Variants in PAN3 observed in about 807,000 individuals in gnomAD.
PAN3 encodes PAN2-PAN3 deadenylation complex subunit PAN3.
PAN3 carries 19 observed loss-of-function variants against 96.2 expected under a neutral mutation model. The ratio of observed to expected loss-of-function variants is 0.20; its 90% CI spans 0.14 to 0.29. The LOEUF (loss-of-function observed/expected upper bound fraction) is 0.29. Among genes scored for constraint, PAN3 ranks in the 10% least tolerant of loss-of-function variants. PAN3 has a pLI of 1.00. For synonymous variants in PAN3, 433 were observed against 406.6 expected, an observed-to-expected ratio of 1.06 and a Z score of -0.78; for missense variants, 882 against 1,108.1, an observed-to-expected ratio of 0.80 and a Z score of 2.90.
At chr13:28,250,151 A>G (rs1884583206) in intron 6 of PAN3, among the ~76,000 whole-genome samples, 2 of 149,666 alleles carry the variant, frequency 1.3e-5, no homozygotes, top group African/African-American at 4.9e-5. Flanking sequence ...TGTCTTTCGC[A>G]TGCTGCATTT....
At chr13:28,150,841 T>C (rs1169315302) in intron 1 of PAN3, among the ~76,000 whole-genome samples, 3 of 152,158 alleles carry the variant, frequency 2.0e-5, no homozygotes, top group Non-Finnish European at 4.4e-5. Context: ...CCAAATAGAT[T>C]AAAGAAAAAT....
At chr13:28,208,807 G>A (rs1298730969) in intron 5 of PAN3, among the ~76,000 whole-genome samples, 1 of 152,078 alleles carries the variant, frequency 6.6e-6, no homozygotes, top group African/African-American at 2.4e-5. Context: ...GAATTTAAAT[G>A]TACAATCCAT....
intron 1 of PAN3, among the ~76,000 whole-genome samples, chr13:28,159,345 G>A (rs1168416486): frequency 1.3e-5 from 2 of 152,188 alleles, no homozygotes; most frequent in Non-Finnish European, 2.9e-5. Flanking sequence ...ATGAACTAAC[G>A]CAGTAGCAGA....
intron 14 of PAN3, among the ~76,000 whole-genome samples, chr13:28,272,639 A>G (rs1447422161): frequency 6.6e-6 from 1 of 150,628 alleles, no homozygotes; most frequent in Non-Finnish European, 1.5e-5. Flanking sequence ...GCGCGATCTC[A>G]ACTCACCACA....
At chr13:28,230,154 G>C (rs993042816) in intron 6 of PAN3, among the ~76,000 whole-genome samples, 3 of 151,154 alleles carry the variant, frequency 2.0e-5, no homozygotes, top group Non-Finnish European at 2.9e-5. Context: ...TTATCCTTTG[G>C]CTGAGGCTAG....
At chr13:28,251,330 T>C (rs955202104) in intron 6 of PAN3, among the ~76,000 whole-genome samples, 1 of 152,362 alleles carries the variant, frequency 6.6e-6, no homozygotes, top group Middle Eastern at 3.4e-3. Flanking sequence ...CTCGTTCTTA[T>C]GAGTTCTTTT....
intron 6 of PAN3, among the ~76,000 whole-genome samples, chr13:28,255,227 C>T (rs979644274): frequency 3.9e-5 from 6 of 152,076 alleles, no homozygotes; most frequent in African/African-American, 1.4e-4. Flanking sequence ...AAAACAGTTC[C>T]TGGATAAGCT....
At chr13:28,281,177 T>C in intron 16 of PAN3, 138 bp from the exon 17 acceptor site, 1 of 675,610 alleles carries the variant, frequency 1.5e-6, no homozygotes. Flanking sequence ...TGTTTAAAAG[T>C]ATAACCAAAA....
chr13:28,141,532 A>G (rs1869838495), intron 1 of PAN3, among the ~76,000 whole-genome samples: 1 of 121,076 alleles, frequency 8.3e-6, no homozygotes, highest in Non-Finnish European at 1.6e-5. Context: ...CAATCTAGTG[A>G]TCTCGGCTCA....
intron 6 of PAN3, among the ~76,000 whole-genome samples, chr13:28,222,715 GAATA>G (rs896602425): frequency 2.3e-4 from 35 of 152,096 alleles, no homozygotes; most frequent in African/African-American, 6.5e-4. Flanking sequence ...TAAGGTTATA[GAATA>G]AATAAAGAGT....
intron 1 of PAN3, among the ~76,000 whole-genome samples, chr13:28,169,153 A>G (rs1313256590): frequency 1.3e-5 from 2 of 151,454 alleles, no homozygotes; most frequent in East Asian, 1.9e-4. Flanking sequence ...GGTCACTCAC[A>G]TATCTTACAC....
Position 28,292,750 on chromosome 13 carries a change from G to A in PAN3, c.*228G>A, listed in dbSNP as rs557317805. On this transcript the variant is annotated 3_prime_UTR_variant, in exon 19 of 19. Transcript: ENST00000380958. ...TGTTATCTGTGAAGAATTTATTTTA[G>A]ATTTAGGAGCACCATCAGGTGAATG... The A allele has an allele frequency of 3.5e-4, 123 of 347,864 alleles. No homozygotes were observed. The highest frequency in any genetic ancestry group is 2.5e-3 in the African/African-American group (117 of 47,508). 21.5% of individuals were successfully genotyped at this position (347,864 alleles called of 1,614,324 possible).
At chr13:28,232,799 A>G (rs190784918) in intron 6 of PAN3, among the ~76,000 whole-genome samples, 2 of 152,250 alleles carry the variant, frequency 1.3e-5, no homozygotes, top group Admixed American at 6.5e-5. Flanking sequence ...CCCTTATCCA[A>G]AAACTTTTTT....
At chr13:28,287,470 G>A (rs1869131408) in intron 17 of PAN3, among the ~76,000 whole-genome samples, 1 of 152,152 alleles carries the variant, frequency 6.6e-6, no homozygotes, top group Non-Finnish European at 1.5e-5. Flanking sequence ...AATAACGTCT[G>A]TTTCCTACTA....
At chr13:28,287,929 A>G (rs3812866) in intron 17 of PAN3, 55 bp from the exon 18 acceptor site, 176,239 of 1,482,960 alleles carry the variant, frequency 0.12, 14,625 homozygotes, top group African/African-American at 0.38. Flanking sequence ...AAATAGACAT[A>G]TGGCCACAGA....
At chr13:28,260,178 C>G (rs1167418377) in intron 7 of PAN3, among the ~76,000 whole-genome samples, 1 of 151,890 alleles carries the variant, frequency 6.6e-6, no homozygotes, top group Admixed American at 6.6e-5. Context: ...AGGTGGATCA[C>G]CTGAGGTCAG....
intron 1 of PAN3, among the ~76,000 whole-genome samples, chr13:28,150,428 A>G (rs867562463): frequency 6.6e-6 from 1 of 152,112 alleles, no homozygotes; most frequent in Admixed American, 6.6e-5. Context: ...GATCGAGACC[A>G]TCCTGGCTAA....
intron 8 of PAN3, 60 bp downstream of exon 8, chr13:28,260,611 G>GTT (rs1885621103): frequency 7.8e-7 from 1 of 1,288,612 alleles, no homozygotes; most frequent in East Asian, 2.3e-5. Flanking sequence ...AGTGAACAGG[G>GTT]GAAAGAACAG....
intron 4 of PAN3, among the ~76,000 whole-genome samples, chr13:28,178,208 A>G (rs1875299588): frequency 6.6e-6 from 1 of 152,160 alleles, no homozygotes; most frequent in Admixed American, 6.6e-5. Flanking sequence ...TCTTAAGATA[A>G]CATCTAATTT....
Sources: gnomAD v4.1 joint callset for allele counts (sites outside exome capture counted in the v4.1 genomes callset) on GRCh38, gnomAD v4.1.1 for gene constraint, MANE v1.5 for transcripts, NCBI Gene and HGNC (gene_info 2026-07-23, HGNC 2026-07-21) for gene names.